The following LRBA variants were observed in gnomAD, a reference collection of about 807,000 sequenced individuals.
LRBA encodes LPS responsive beige-like anchor protein.
A neutral mutation model predicts 330.0 loss-of-function variants in LRBA; 176 were observed. The ratio of observed to expected loss-of-function variants is 0.53; its 90% CI spans 0.47 to 0.60. LRBA has a LOEUF of 0.60. Ranked by LOEUF, LRBA falls within the 20% of genes least tolerant of loss-of-function variation. The pLI, the probability that LRBA is intolerant of heterozygous loss-of-function variation, is 0.00. For missense variants in LRBA, 3,259 were observed against 3,444.8 expected (o/e 0.95, Z 1.35); for synonymous variants, 1,230 against 1,193.0 (o/e 1.03, Z -0.64).
chr4:150,572,630 C>G (rs551339836), intron 40 of LRBA, among the ~76,000 whole-genome samples: 1 of 152,234 alleles, frequency 6.6e-6, no homozygotes, highest in South Asian at 2.1e-4. Flanking sequence ...AATATAATTA[C>G]TGACTCCATT....
intron 34 of LRBA, among the ~76,000 whole-genome samples, chr4:150,772,981 C>T (rs547002844): frequency 6.6e-6 from 1 of 152,316 alleles, no homozygotes; most frequent in African/African-American, 2.4e-5. Flanking sequence ...TAAACGGTCA[C>T]TAGCATGTAC....
rs1233547973 is a variant in LRBA at position 150,334,829 on chromosome 4, TG to T, written c.7363-8932del. ...TTATTAAGTTTTTTTTGTTTTGTCT[TG>T]GTTTTTTTTTTTTTTTTTTGACAGA... On this transcript the variant is annotated intron_variant, in intron 48 of 56. Coordinates refer to ENST00000651943, the MANE Select transcript of LRBA (RefSeq NM_001364905.1). Among the ~76,000 whole-genome samples, 6 of 131,626 alleles carry T rather than the reference TG, an allele frequency of 4.6e-5. No homozygotes were observed. In the East Asian group the frequency reaches 6.4e-4, roughly 14 times the overall value. The allele number at this position is 131,626 out of a possible 152,430, so 86.4% of individuals were successfully genotyped here. A position where few individuals can be genotyped will look rare whatever the true frequency, so the allele number is the denominator to read the frequency against.
intron 25 of LRBA, 91 bp from the exon 26 acceptor site, chr4:150,849,089 T>G: frequency 1.2e-6 from 1 of 830,256 alleles, no homozygotes; most frequent in Non-Finnish European, 1.9e-6. Flanking sequence ...ATTGCATAAG[T>G]AGTCAGACTT....
chr4:150,297,915 C>T (rs953276815), intron 53 of LRBA, among the ~76,000 whole-genome samples: 2 of 152,128 alleles, frequency 1.3e-5, no homozygotes, highest in African/African-American at 4.8e-5. Flanking sequence ...TTTAAGAACT[C>T]ATATGGTTCA....
chr4:150,873,655 T>C (rs912816705), intron 17 of LRBA, among the ~76,000 whole-genome samples: 1 of 151,842 alleles, frequency 6.6e-6, no homozygotes, highest in African/African-American at 2.4e-5. Context: ...TAAAGTATAA[T>C]GCAACTGAAA....
chr4:150,530,498 T>C (rs544652715), intron 40 of LRBA, among the ~76,000 whole-genome samples: 2 of 152,346 alleles, frequency 1.3e-5, no homozygotes, highest in South Asian at 4.1e-4. Context: ...GGAATAATTT[T>C]CTGAAGTTGG....
At chr4:150,548,760 C>T (rs1458550667) in intron 40 of LRBA, among the ~76,000 whole-genome samples, 1 of 152,162 alleles carries the variant, frequency 6.6e-6, no homozygotes, top group Non-Finnish European at 1.5e-5. Context: ...AATTGTCTGA[C>T]ATTGTGCTAA....
intron 53 of LRBA, among the ~76,000 whole-genome samples, chr4:150,301,347 A>T (rs1328952893): frequency 6.6e-6 from 1 of 152,108 alleles, no homozygotes; most frequent in African/African-American, 2.4e-5. Context: ...ATATACACAC[A>T]CTACAATTTG....
intron 42 of LRBA, among the ~76,000 whole-genome samples, chr4:150,486,073 T>C (rs1757838836): frequency 6.6e-6 from 1 of 151,888 alleles, no homozygotes; most frequent in Admixed American, 6.6e-5. Flanking sequence ...AGAGAGTAGA[T>C]CTTAAGTATT....
chr4:150,989,825 A>T (rs967201198), intron 2 of LRBA, among the ~76,000 whole-genome samples: 1 of 152,044 alleles, frequency 6.6e-6, no homozygotes, highest in Non-Finnish European at 1.5e-5. Context: ...CAAAAGAAAC[A>T]ATCAGAGAAA....
At chr4:150,343,727 C>T (rs1002646116) in intron 48 of LRBA, among the ~76,000 whole-genome samples, 1 of 152,204 alleles carries the variant, frequency 6.6e-6, no homozygotes, top group Non-Finnish European at 1.5e-5. Flanking sequence ...CACAAACACA[C>T]AGGCGTGCAC....
intron 17 of LRBA, among the ~76,000 whole-genome samples, chr4:150,877,428 C>T (rs1754171774): frequency 6.6e-6 from 1 of 151,786 alleles, no homozygotes; most frequent in Non-Finnish European, 1.5e-5. Flanking sequence ...TTAAAAAGGA[C>T]AAAAAATGGC....
intron 50 of LRBA, 83 bp from the exon 51 acceptor site, chr4:150,315,706 T>C: frequency 2.4e-6 from 2 of 824,538 alleles, no homozygotes; most frequent in African/African-American, 1.8e-5. Context: ...AAACCTTATG[T>C]AGAATTGTTT....
chr4:150,465,278 C>T (rs1755301375), intron 44 of LRBA, among the ~76,000 whole-genome samples: 1 of 151,930 alleles, frequency 6.6e-6, no homozygotes, highest in Admixed American at 6.6e-5. Flanking sequence ...ATGTATATAC[C>T]ATATTTTGTT....
chr4:150,372,502 G>A (rs1187831515), intron 47 of LRBA, among the ~76,000 whole-genome samples: 1 of 144,502 alleles, frequency 6.9e-6, no homozygotes, highest in Non-Finnish European at 1.5e-5. Context: ...TAGGGAGGCT[G>A]TGAGCCCAGA....
intron 30 of LRBA, among the ~76,000 whole-genome samples, chr4:150,820,719 G>C (rs1468027151): frequency 6.6e-6 from 1 of 151,910 alleles, no homozygotes; most frequent in Non-Finnish European, 1.5e-5. Flanking sequence ...TAAGCAGTAG[G>C]TAGATTTTGA....
At chr4:150,357,688 A>C (rs1469291383) in intron 47 of LRBA, among the ~76,000 whole-genome samples, 1 of 151,784 alleles carries the variant, frequency 6.6e-6, no homozygotes, top group Non-Finnish European at 1.5e-5. Flanking sequence ...TAGTTTATTA[A>C]AAATGGATGG....
intron 36 of LRBA, among the ~76,000 whole-genome samples, chr4:150,706,455 A>T (rs1040458068): frequency 7.2e-5 from 11 of 151,900 alleles, no homozygotes; most frequent in African/African-American, 2.6e-4. Flanking sequence ...ATTCCAAATA[A>T]ATTAAATATT....
chr4:150,869,013 T>G (rs1376534254), intron 20 of LRBA, among the ~76,000 whole-genome samples: 1 of 152,164 alleles, frequency 6.6e-6, no homozygotes, highest in East Asian at 1.9e-4. Context: ...CTTAGATTCC[T>G]CATCATAATT....
Sources: allele counts gnomAD v4.1 joint callset (sites outside exome capture counted in the v4.1 genomes callset), GRCh38; gene constraint gnomAD v4.1.1; transcripts MANE v1.5; gene names NCBI Gene and HGNC (gene_info 2026-07-23, HGNC 2026-07-21).